Variants in LRP1B observed in about 807,000 individuals in gnomAD.
LRP1B encodes the protein LDL receptor related protein 1B, also known as low-density lipoprotein receptor-related protein 1B.
LRP1B carries 217 observed loss-of-function variants against 556.6 expected under a neutral mutation model. The observed-to-expected ratio is 0.39, with a 90% CI of 0.35 to 0.44. The LOEUF (loss-of-function observed/expected upper bound fraction) is 0.44, where lower values mean the gene tolerates loss of function less well. Ranked by LOEUF, LRP1B falls within the 20% of genes least tolerant of loss-of-function variation. LRP1B has a pLI of 1.00. For synonymous variants in LRP1B, 2,047 were observed against 1,865.8 expected (o/e 1.10, Z -2.50); for missense variants, 5,053 against 5,620.8 (o/e 0.90, Z 3.23).
intron 1 of LRP1B, among the ~76,000 whole-genome samples, chr2:142,106,987 T>G (rs1706768839): frequency 6.6e-6 from 1 of 152,208 alleles, no homozygotes; most frequent in Middle Eastern, 3.4e-3. Context: ...ATATAAAGCT[T>G]CATATTTAAG....
intron 66 of LRP1B, among the ~76,000 whole-genome samples, chr2:140,441,601 T>G (rs1420006942): frequency 6.6e-6 from 1 of 152,192 alleles, no homozygotes; most frequent in Non-Finnish European, 1.5e-5. Flanking sequence ...TTCAGAGCAC[T>G]TAAAGGTTTT....
At chr2:140,880,418 T>A (rs894619319) in intron 25 of LRP1B, among the ~76,000 whole-genome samples, 3 of 151,994 alleles carry the variant, frequency 2.0e-5, no homozygotes, top group African/African-American at 4.8e-5. Context: ...GAAAGAAAAA[T>A]AGCTCCTCCC....
At chr2:141,115,767 C>G (rs1009855477) in intron 7 of LRP1B, among the ~76,000 whole-genome samples, 1 of 151,870 alleles carries the variant, frequency 6.6e-6, no homozygotes, top group African/African-American at 2.4e-5. Context: ...CAGGCGTGAG[C>G]CACCGCGCCC....
intron 1 of LRP1B, among the ~76,000 whole-genome samples, chr2:141,850,065 T>C (rs1471558329): frequency 6.6e-6 from 1 of 151,736 alleles, no homozygotes. Flanking sequence ...TAGTTTATGT[T>C]TACCACCTGG....
chr2:141,763,082 T>C (rs1289473556), intron 2 of LRP1B, among the ~76,000 whole-genome samples: 1 of 152,218 alleles, frequency 6.6e-6, no homozygotes, highest in Non-Finnish European at 1.5e-5. Flanking sequence ...GAATTCATGT[T>C]GTTGTGTATA....
chr2:140,388,727 C>T (rs931280595), intron 66 of LRP1B, among the ~76,000 whole-genome samples: 1 of 152,190 alleles, frequency 6.6e-6, no homozygotes, highest in African/African-American at 2.4e-5. Flanking sequence ...CACACGCACA[C>T]AAAGAGACAC....
chr2:141,288,436 G>A (rs532467843), intron 3 of LRP1B, among the ~76,000 whole-genome samples: 4 of 152,012 alleles, frequency 2.6e-5, no homozygotes, highest in Non-Finnish European at 4.4e-5. Context: ...TTCCAAATAA[G>A]TAAAGTGAGA....
chr2:141,754,639 T>A (rs576485863), intron 2 of LRP1B, among the ~76,000 whole-genome samples: 1 of 152,248 alleles, frequency 6.6e-6, no homozygotes, highest in African/African-American at 2.4e-5. Context: ...CCAAAGTTTC[T>A]CCAGAGATAT....
At chr2:141,955,039 A>G (rs1008519877) in intron 1 of LRP1B, among the ~76,000 whole-genome samples, 1 of 152,156 alleles carries the variant, frequency 6.6e-6, no homozygotes, top group Non-Finnish European at 1.5e-5. Context: ...AAAGCATTGG[A>G]AAAGACAACA....
In LRP1B at chr2:141,544,378, TCTTCTC is replaced by T. The variant is rs1559131524; in HGVS notation, c.206-63851_206-63846del. ...TTCTTCTTCTTCTTCTTCTTCTTCT[TCTTCTC>T]CTCCTCCTCCTCCTCCTCCTCCTCC... is the stretch of plus-strand genomic sequence containing the variant. On this transcript the variant is annotated intron_variant, in intron 2 of 90. Transcript: ENST00000389484. Among the ~76,000 whole-genome samples, 17 of 111,204 alleles carry T rather than the reference TCTTCTC, an allele frequency of 1.5e-4. 1 individual carries two copies. The highest frequency in any genetic ancestry group is 4.1e-4 in the African/African-American group (13 of 31,912). The allele number at this position is 111,204 out of a possible 152,430, so 73.0% of individuals were successfully genotyped here. A position where few individuals can be genotyped will look rare whatever the true frequency, so the allele number is the denominator to read the frequency against.
chr2:141,734,507 A>C (rs1267589398), intron 2 of LRP1B, among the ~76,000 whole-genome samples: 2 of 152,108 alleles, frequency 1.3e-5, no homozygotes, highest in African/African-American at 4.8e-5. Flanking sequence ...AAACAAAAAG[A>C]TGTTTAAGAA....
At chr2:140,718,739 C>T (rs1687295903) in intron 35 of LRP1B, among the ~76,000 whole-genome samples, 1 of 152,024 alleles carries the variant, frequency 6.6e-6, no homozygotes, top group African/African-American at 2.4e-5. Flanking sequence ...TCTACCAACT[C>T]CCTCCAATCC....
chr2:140,869,675 G>T (rs576580231), intron 25 of LRP1B, among the ~76,000 whole-genome samples: 1 of 152,162 alleles, frequency 6.6e-6, no homozygotes, highest in African/African-American at 2.4e-5. Context: ...GAATTGTCAG[G>T]ACTAGCTGAT....
intron 3 of LRP1B, among the ~76,000 whole-genome samples, chr2:141,477,167 AC>A (rs77780435): frequency 0.5 from 75,345 of 150,858 alleles, 19,102 homozygotes; most frequent in Non-Finnish European, 0.55. Flanking sequence ...AAACAAACAA[AC>A]AAAAAAACCA....
At chr2:140,434,349 T>C (rs551049960) in intron 66 of LRP1B, among the ~76,000 whole-genome samples, 9 of 152,260 alleles carry the variant, frequency 5.9e-5, no homozygotes, top group African/African-American at 1.7e-4. Context: ...GGATTACAGG[T>C]GTGAGCCACC....
intron 66 of LRP1B, among the ~76,000 whole-genome samples, chr2:140,403,380 T>C (rs1259965397): frequency 6.6e-6 from 1 of 152,020 alleles, no homozygotes; most frequent in Non-Finnish European, 1.5e-5. Context: ...TTTTTTTAAA[T>C]AGGATATGAA....
At chr2:141,358,406 G>GT (rs201496346) in intron 3 of LRP1B, among the ~76,000 whole-genome samples, 1,782 of 152,322 alleles carry the variant, frequency 0.012, 23 homozygotes, top group Middle Eastern at 0.02. Flanking sequence ...AGGTTTGACT[G>GT]TGAAGGGTCA....
chr2:141,813,895 G>A (rs777550644), intron 1 of LRP1B, among the ~76,000 whole-genome samples: 7 of 152,206 alleles, frequency 4.6e-5, no homozygotes, highest in African/African-American at 1.4e-4. Context: ...GAGGGTTGCC[G>A]GCTGTGGGGC....
intron 57 of LRP1B, among the ~76,000 whole-genome samples, chr2:140,491,988 C>T (rs138558626): frequency 2.0e-5 from 3 of 152,256 alleles, no homozygotes; most frequent in African/African-American, 7.2e-5. Context: ...GCAGCTGCTA[C>T]ACAGCTTGGA....
Sources: allele counts gnomAD v4.1 joint callset (sites outside exome capture counted in the v4.1 genomes callset), GRCh38; gene constraint gnomAD v4.1.1; transcripts MANE v1.5; gene names NCBI Gene and HGNC (gene_info 2026-07-23, HGNC 2026-07-21).